The following IGBP1C variants were observed in gnomAD, a reference collection of about 807,000 sequenced individuals.
IGBP1C encodes the protein immunoglobulin-binding protein 1 family member C.
chr17:58,683,052 CAAAAAAAAA>C, the IGBP1C span, among the ~76,000 whole-genome samples: 3 of 54,044 alleles, frequency 5.6e-5, no homozygotes, highest in African/African-American at 2.0e-4. Flanking sequence ...GAGTCTGTCT[CAAAAAAAAA>C]AAAAAAAAAA....
chr17:58,687,824 C>CGGTAG, the IGBP1C span, among the ~76,000 whole-genome samples: 4 of 152,170 alleles, frequency 2.6e-5, no homozygotes. Flanking sequence ...GTCCTTCCTA[C>CGGTAG]CCTTAGAATT....
the IGBP1C span, among the ~76,000 whole-genome samples, chr17:58,669,099 C>A: frequency 6.6e-6 from 1 of 152,236 alleles, no homozygotes; most frequent in East Asian, 1.9e-4. Flanking sequence ...TGCCTATAAT[C>A]CCAGCACTTT....
chr17:58,673,810 C>T, the IGBP1C span, among the ~76,000 whole-genome samples: 7 of 152,074 alleles, frequency 4.6e-5, no homozygotes, highest in Admixed American at 2.6e-4. Context: ...TTGGCTCAGG[C>T]GATCCTCCCA....
At chr17:58,672,360 G>T in the IGBP1C span, among the ~76,000 whole-genome samples, 1 of 152,180 alleles carries the variant, frequency 6.6e-6, no homozygotes, top group Non-Finnish European at 1.5e-5. Context: ...GAGAAAAAAA[G>T]TTGCAGAATC....
chr17:58,662,461 A>G, the IGBP1C span, among the ~76,000 whole-genome samples: 3 of 151,532 alleles, frequency 2.0e-5, no homozygotes, highest in Admixed American at 2.0e-4. Context: ...ACAGAATCAA[A>G]CCAACTACAT....
chr17:58,670,515 T>C, the IGBP1C span, among the ~76,000 whole-genome samples: 1 of 151,780 alleles, frequency 6.6e-6, no homozygotes, highest in Non-Finnish European at 1.5e-5. Context: ...GGCTCACGCT[T>C]GTAATCCCAG....
At chr17:58,663,489 CAG>C in the IGBP1C span, among the ~76,000 whole-genome samples, 2 of 144,866 alleles carry the variant, frequency 1.4e-5, no homozygotes, top group Admixed American at 6.9e-5. Context: ...TTTTTTAAGA[CAG>C]AGTCTCACTC....
At chr17:58,661,385 T>G in the IGBP1C span, 3 of 902,586 alleles carry the variant, frequency 3.3e-6, no homozygotes, top group Admixed American at 1.7e-5. Flanking sequence ...GGAAGTAATC[T>G]CCTCCAAATC....
chr17:58,682,716 G>A, the IGBP1C span, among the ~76,000 whole-genome samples: 1 of 152,128 alleles, frequency 6.6e-6, no homozygotes, highest in African/African-American at 2.4e-5. Context: ...ATCCTCACAA[G>A]TCCCAGTTTC....
the IGBP1C span, chr17:58,666,547 T>G: frequency 1.4e-5 from 2 of 145,382 alleles, no homozygotes; most frequent in African/African-American, 5.1e-5. Context: ...CAGCAGCAAG[T>G]GCGAACGCAA....
the IGBP1C span, among the ~76,000 whole-genome samples, chr17:58,664,360 G>A: frequency 6.6e-6 from 1 of 152,092 alleles, no homozygotes; most frequent in Non-Finnish European, 1.5e-5. Flanking sequence ...CCTATGCTGG[G>A]AGAACTCCAT....
the IGBP1C span, among the ~76,000 whole-genome samples, chr17:58,682,466 G>C: frequency 2.0e-5 from 3 of 151,648 alleles, no homozygotes; most frequent in African/African-American, 7.3e-5. Context: ...CCATGTTGGC[G>C]AGGCTGGTCT....
chr17:58,688,701 C>T, the IGBP1C span, among the ~76,000 whole-genome samples: 1 of 152,118 alleles, frequency 6.6e-6, no homozygotes, highest in African/African-American at 2.4e-5. Flanking sequence ...TGATACAAAT[C>T]CAAATCTGTG....
At chr17:58,677,747 G>C in the IGBP1C span, 1 of 152,314 alleles carries the variant, frequency 6.6e-6, no homozygotes, top group African/African-American at 2.4e-5. Flanking sequence ...GGAAGGCATG[G>C]TTGTTGCCTG....
the IGBP1C span, chr17:58,661,832 A>G: frequency 2.1e-6 from 1 of 466,216 alleles, no homozygotes; most frequent in Non-Finnish European, 3.8e-6. Flanking sequence ...TCCGTTTCCT[A>G]AAATTGTAAA....
chr17:58,661,291 A>G, the IGBP1C span: 1 of 812,184 alleles, frequency 1.2e-6, no homozygotes, highest in Non-Finnish European at 2.2e-6. Context: ...CCTGCTGCAA[A>G]TGATCTAGAC....
At chr17:58,689,471 G>C in the IGBP1C span, among the ~76,000 whole-genome samples, 3 of 152,036 alleles carry the variant, frequency 2.0e-5, no homozygotes, top group Non-Finnish European at 4.4e-5. Flanking sequence ...CACCCGCCTT[G>C]GCCTCCCAAA....
chr17:58,678,154 G>C, the IGBP1C span, among the ~76,000 whole-genome samples: 1 of 151,738 alleles, frequency 6.6e-6, no homozygotes, highest in South Asian at 2.1e-4. Flanking sequence ...CAACTCAAGG[G>C]GGAAAAAAAA....
At chr17:58,669,497 C>T in the IGBP1C span, among the ~76,000 whole-genome samples, 1 of 151,628 alleles carries the variant, frequency 6.6e-6, no homozygotes, top group Non-Finnish European at 1.5e-5. Flanking sequence ...CTTTCGGAGG[C>T]CGAGGTTAAG....
Sources: allele counts gnomAD v4.1 joint callset (sites outside exome capture counted in the v4.1 genomes callset), GRCh38; gene constraint gnomAD v4.1.1; transcripts MANE v1.5; gene names NCBI Gene and HGNC (gene_info 2026-07-23, HGNC 2026-07-21).